FHIT: variants seen among roughly 807,000 people sequenced by gnomAD.
FHIT encodes fragile histidine triad diadenosine triphosphatase, also known as bis(5'-adenosyl)-triphosphatase.
FHIT carries 19 observed loss-of-function variants against 17.9 expected under a neutral mutation model. The ratio of observed to expected loss-of-function variants is 1.06; its 90% CI spans 0.74 to 1.56. The LOEUF (loss-of-function observed/expected upper bound fraction) is 1.56. FHIT is among the 40% of genes most tolerant of loss of function. The pLI, the probability that FHIT is intolerant of heterozygous loss-of-function variation, is 0.00. For missense variants in FHIT, 248 were observed against 189.2 expected, an observed-to-expected ratio of 1.31 and a Z score of -1.82; for synonymous variants, 81 against 69.7, an observed-to-expected ratio of 1.16 and a Z score of -0.81.
At chr3:60,877,357 T>TACCTGCCCTCCCTCACCTTC (rs1704713867) in intron 3 of FHIT, among the ~76,000 whole-genome samples, 1 of 152,208 alleles carries the variant, frequency 6.6e-6, no homozygotes, top group Non-Finnish European at 1.5e-5. Context: ...AAAACTGCTC[T>TACCTGCCCTCCCTCACCTTC]ACCTGCCCTC....
At chr3:60,650,908 C>A (rs2039974615) in intron 4 of FHIT, among the ~76,000 whole-genome samples, 1 of 152,170 alleles carries the variant, frequency 6.6e-6, no homozygotes, top group Non-Finnish European at 1.5e-5. Context: ...AACAAAAAAA[C>A]CACAGTTAAA....
chr3:60,173,894 TA>T lies in FHIT; in HGVS notation c.104-159743del, dbSNP rs1255227895. On this transcript the variant is annotated intron_variant, in intron 5 of 9. Coordinates refer to ENST00000492590, the MANE Select transcript of FHIT (RefSeq NM_002012.4). ...TATCTCCATGTTTCTAATATATATA[TA>T]TATATATATATATATATATATGTTT... is the stretch of plus-strand genomic sequence containing the variant. Among the ~76,000 whole-genome samples, 12 of 71,256 alleles carry T rather than the reference TA, an allele frequency of 1.7e-4. 1 individual carries two copies. The East Asian group carries it at 9.6e-3, about 57-fold the overall frequency. The allele number at this position is 71,256 out of a possible 152,430, so 46.7% of individuals were successfully genotyped here. A position where few individuals can be genotyped will look rare whatever the true frequency, so the allele number is the denominator to read the frequency against.
At chr3:59,894,531 CAA>C (rs1264548678) in intron 8 of FHIT, among the ~76,000 whole-genome samples, 9 of 152,078 alleles carry the variant, frequency 5.9e-5, no homozygotes, top group Non-Finnish European at 1.3e-4. Flanking sequence ...CTCCTCAACT[CAA>C]GTGTAAAACT....
chr3:60,131,284 T>C (rs1036935488), intron 5 of FHIT, among the ~76,000 whole-genome samples: 4 of 152,066 alleles, frequency 2.6e-5, no homozygotes. Flanking sequence ...TGCTATATAG[T>C]TATTCTAACA....
At chr3:60,218,643 A>G (rs1703810010) in intron 5 of FHIT, among the ~76,000 whole-genome samples, 1 of 152,128 alleles carries the variant, frequency 6.6e-6, no homozygotes, top group Non-Finnish European at 1.5e-5. Flanking sequence ...TTTTGCAATG[A>G]CAAGATGGTG....
intron 5 of FHIT, among the ~76,000 whole-genome samples, chr3:60,378,881 A>C (rs781434396): frequency 1.3e-5 from 2 of 152,224 alleles, no homozygotes; most frequent in Non-Finnish European, 2.9e-5. Flanking sequence ...AGGTGAAAAA[A>C]GATCAAACGT....
chr3:60,767,093 T>A (rs1408212427), intron 4 of FHIT, among the ~76,000 whole-genome samples: 1 of 152,196 alleles, frequency 6.6e-6, no homozygotes, highest in African/African-American at 2.4e-5. Context: ...ACGTCTTGAA[T>A]TGAGCCTACA....
rs1019298883 is a variant in FHIT, at chr3:61,202,395, G to T, written c.-212-1730C>A. 2.6e-5 allele frequency among the ~76,000 whole-genome samples: 4 copies of T among 152,294 alleles called. 1 individual carries two copies. The South Asian group carries it at 8.3e-4, about 32-fold the overall frequency. ...TGCCCAACCATCTGGGAAGTGAGGA[G>T]CGCCTCTGCCCGGACGCTGTGCAAC... On this transcript the variant is annotated intron_variant, in intron 1 of 9. Coordinates refer to ENST00000492590, the MANE Select transcript of FHIT (RefSeq NM_002012.4).
intron 3 of FHIT, among the ~76,000 whole-genome samples, chr3:60,894,968 G>A (rs1262699904): frequency 6.6e-6 from 1 of 152,064 alleles, no homozygotes; most frequent in African/African-American, 2.4e-5. Flanking sequence ...TCAAAATCAG[G>A]GACTTTAACG....
At chr3:60,572,839 C>G (rs2037432887) in intron 4 of FHIT, among the ~76,000 whole-genome samples, 1 of 152,152 alleles carries the variant, frequency 6.6e-6, no homozygotes. Context: ...GGGAGCAGAC[C>G]TGGGACCAGT....
chr3:60,424,317 T>A (rs558096515), intron 5 of FHIT, among the ~76,000 whole-genome samples: 13 of 152,112 alleles, frequency 8.5e-5, no homozygotes, highest in African/African-American at 3.1e-4. Flanking sequence ...CTGGCTAATA[T>A]CGGAGAACAT....
intron 5 of FHIT, among the ~76,000 whole-genome samples, chr3:60,120,360 G>A (rs1430867631): frequency 1.3e-5 from 2 of 152,172 alleles, no homozygotes; most frequent in Admixed American, 6.5e-5. Flanking sequence ...CTGAGGCAGG[G>A]TTAAAGATAT....
At chr3:60,447,369 A>G (rs2031411868) in intron 5 of FHIT, among the ~76,000 whole-genome samples, 1 of 152,178 alleles carries the variant, frequency 6.6e-6, no homozygotes, top group Non-Finnish European at 1.5e-5. Context: ...ATATGAGGTT[A>G]AATTCAAATT....
chr3:59,893,752 C>T (rs1236279680), intron 8 of FHIT, among the ~76,000 whole-genome samples: 2 of 152,200 alleles, frequency 1.3e-5, no homozygotes, highest in Non-Finnish European at 2.9e-5. Context: ...GTGATATTAA[C>T]TCCTATGCGT....
At chr3:60,449,726 C>G (rs149149112) in intron 5 of FHIT, among the ~76,000 whole-genome samples, 1 of 151,992 alleles carries the variant, frequency 6.6e-6, no homozygotes, top group African/African-American at 2.4e-5. Context: ...CAAAAGGTAG[C>G]TGGCGTGGTG....
intron 4 of FHIT, chr3:60,732,480 A>C: frequency 2.9e-6 from 2 of 700,778 alleles, no homozygotes; most frequent in Non-Finnish European, 5.4e-6. Context: ...ATTCTGTGAA[A>C]GCAGGAACCC....
At chr3:60,745,648 G>C (rs1472511693) in intron 4 of FHIT, among the ~76,000 whole-genome samples, 1 of 152,136 alleles carries the variant, frequency 6.6e-6, no homozygotes, top group Non-Finnish European at 1.5e-5. Flanking sequence ...GTGTCTAGGA[G>C]GGGATGGTAA....
intron 3 of FHIT, among the ~76,000 whole-genome samples, chr3:60,916,397 A>T (rs1255128865): frequency 6.6e-6 from 1 of 152,222 alleles, no homozygotes; most frequent in Non-Finnish European, 1.5e-5. Context: ...TACATCTTGC[A>T]TTGAAGGAAT....
intron 5 of FHIT, among the ~76,000 whole-genome samples, chr3:60,097,718 T>G (rs910744973): frequency 6.6e-6 from 1 of 151,924 alleles, no homozygotes; most frequent in Non-Finnish European, 1.5e-5. Flanking sequence ...TTTTTAAAAT[T>G]TTATTATTAT....
Sources: allele counts gnomAD v4.1 joint callset (sites outside exome capture counted in the v4.1 genomes callset), GRCh38; gene constraint gnomAD v4.1.1; transcripts MANE v1.5; gene names NCBI Gene and HGNC (gene_info 2026-07-23, HGNC 2026-07-21).